Variants in SLAMF6 observed in about 807,000 individuals in gnomAD.
SLAMF6 encodes the protein NK-T-B-antigen.
In SLAMF6, 21 loss-of-function variants were observed where a neutral mutation model predicts 38.3. That is an observed-to-expected ratio of 0.55 (90% CI 0.39 to 0.79). The LOEUF is 0.79. Ranked by LOEUF, SLAMF6 falls within the 30% of genes least tolerant of loss-of-function variation. The probability of loss-of-function intolerance (pLI) is 0.00; values close to 1 mark genes in which losing one functional copy is unlikely to be tolerated. For missense variants in SLAMF6, 341 were observed against 385.3 expected (o/e 0.89, Z 0.96); for synonymous variants, 152 against 146.3 (o/e 1.04, Z -0.28).
intron 1 of SLAMF6, among the ~76,000 whole-genome samples, chr1:160,511,145 C>T (rs3953020): frequency 2.0e-5 from 3 of 152,048 alleles, no homozygotes; most frequent in Non-Finnish European, 4.4e-5. Flanking sequence ...TATGCCGATA[C>T]CACCAAAAGC....
intron 1 of SLAMF6, among the ~76,000 whole-genome samples, chr1:160,515,766 T>C (rs1382731206): frequency 2.0e-5 from 3 of 152,184 alleles, no homozygotes; most frequent in African/African-American, 4.8e-5. Context: ...ACAGATTATC[T>C]TAATAGACAC....
rs541273253 is a variant in SLAMF6, at chr1:160,496,400, A to G, written c.50-7T>C. On this transcript the variant is annotated splice_polypyrimidine_tract_variant and splice_region_variant and intron_variant, in intron 1 of 7. Coordinates refer to ENST00000368057, the MANE Select transcript of SLAMF6 (RefSeq NM_001184714.2). The stretch of plus-strand genomic sequence containing the variant: ...CTTTGTGAAACTACATTCCCTGTAA[A>G]CACAGAAGGAAAGGTTTTAAAAATG... The G allele has an allele frequency of 2.5e-6, 4 of 1,610,286 alleles. No individual in the cohort carries two copies. Among genetic ancestry groups the G allele is most frequent in the Non-Finnish European group, 2.5e-6 (3 of 1,177,306 alleles).
chr1:160,509,820 C>A (rs1317531858), intron 1 of SLAMF6, among the ~76,000 whole-genome samples: 2 of 152,036 alleles, frequency 1.3e-5, no homozygotes, highest in African/African-American at 4.8e-5. Flanking sequence ...AAAGTTGGTT[C>A]TTTGAAAAGA....
chr1:160,495,528 A>G (rs1360811338), intron 2 of SLAMF6, among the ~76,000 whole-genome samples: 1 of 152,216 alleles, frequency 6.6e-6, no homozygotes, highest in Non-Finnish European at 1.5e-5. Context: ...TTATCAGCCT[A>G]TCTTTGCAGA....
chr1:160,491,071 A>T (rs1653264081), intron 3 of SLAMF6, 54 bp downstream of exon 3: 32 of 1,595,818 alleles, frequency 2.0e-5, no homozygotes, highest in Non-Finnish European at 2.6e-5. Context: ...GGATGTGAGG[A>T]CGCGTTAAAC....
intron 1 of SLAMF6, among the ~76,000 whole-genome samples, chr1:160,502,023 A>G (rs11265416): frequency 0.065 from 9,846 of 152,214 alleles, 620 homozygotes; most frequent in African/African-American, 0.16. Flanking sequence ...AAGACCCTGC[A>G]TGAGACTTTG....
chr1:160,498,570 A>C (rs1218445995), intron 1 of SLAMF6, among the ~76,000 whole-genome samples: 1 of 152,166 alleles, frequency 6.6e-6, no homozygotes, highest in Non-Finnish European at 1.5e-5. Flanking sequence ...CACTATCATG[A>C]GAATAGCACA....
In SLAMF6 at chr1:160,490,660, G is replaced by A; in HGVS notation, c.672C>T (p.Thr224=). ...CEDVKIQYTD[T]KMILFMVSGI... ...CAGAAACCATAAACAGAATCATTTT[G>A]GTATCTGTATATTGAATTTTAACAT... The change falls in exon 4 of 8, where the codon ACC becomes ACT. Residue 224 remains threonine (T), a synonymous_variant. Transcript: ENST00000368057. The A allele has an allele frequency of 6.2e-7, 1 of 1,613,658 alleles. No homozygotes were observed. The highest frequency in any genetic ancestry group is 8.5e-7 in the Non-Finnish European group (1 of 1,179,754).
chr1:160,516,229 T>C (rs1654737033), intron 1 of SLAMF6, among the ~76,000 whole-genome samples: 1 of 152,044 alleles, frequency 6.6e-6, no homozygotes, highest in African/African-American at 2.4e-5. Flanking sequence ...GAGAACCAAA[T>C]CATGAATGAA....
At chr1:160,514,795 C>A (rs970458768) in intron 1 of SLAMF6, among the ~76,000 whole-genome samples, 1 of 152,128 alleles carries the variant, frequency 6.6e-6, no homozygotes, top group Non-Finnish European at 1.5e-5. Context: ...GCAAGAAGTT[C>A]TTTGAAACCA....
intron 1 of SLAMF6, among the ~76,000 whole-genome samples, chr1:160,506,698 C>T (rs952463136): frequency 3.3e-5 from 5 of 152,034 alleles, no homozygotes; most frequent in Admixed American, 6.6e-5. Flanking sequence ...ATGAGTAAAA[C>T]AATAATTATA....
chr1:160,496,720 T>G (rs1302840358), intron 1 of SLAMF6, among the ~76,000 whole-genome samples: 1 of 152,064 alleles, frequency 6.6e-6, no homozygotes, highest in Non-Finnish European at 1.5e-5. Context: ...CCTTGGACAT[T>G]AGGTTGAGGG....
chr1:160,492,278 T>C (rs769561171), intron 2 of SLAMF6, among the ~76,000 whole-genome samples: 2 of 152,102 alleles, frequency 1.3e-5, no homozygotes, highest in Admixed American at 6.6e-5. Flanking sequence ...AGAGACCGAG[T>C]AGTACTTTGA....
chr1:160,518,481 T>C (rs992644685), intron 1 of SLAMF6, among the ~76,000 whole-genome samples: 38 of 152,158 alleles, frequency 2.5e-4, no homozygotes, highest in African/African-American at 8.4e-4. Flanking sequence ...TGTATCTTCA[T>C]TGCAGCACTA....
chr1:160,490,044 AT>A, intron 5 of SLAMF6, 153 bp downstream of exon 5: 1 of 861,938 alleles, frequency 1.2e-6, no homozygotes, highest in Non-Finnish European at 1.9e-6. Flanking sequence ...AGGACCCATG[AT>A]TACAGATCAT....
Position 160,496,243 on chromosome 1 carries a change from G to A in SLAMF6, c.200C>T (p.Pro67Leu). 2 of 1,613,838 alleles carry A rather than the reference G, an allele frequency of 1.2e-6. No homozygotes were observed. The highest frequency in any genetic ancestry group is 1.1e-5 in the South Asian group (1 of 91,072). The change falls in exon 2 of 8, where the codon CCC becomes CTC. Residue 67 changes from proline to leucine, a missense_variant. Transcript: ENST00000368057. The part of the protein sequence containing the change: ...FNETSLAFIV[P>L]HETKSPEIHV... ...GATTTCTGGACTTTTGGTTTCATGG[G>A]GTACTATGAAGGCAAGAGATGTTTC... is the stretch of plus-strand genomic sequence containing the variant.
At chr1:160,501,233 A>C (rs1019273340) in intron 1 of SLAMF6, among the ~76,000 whole-genome samples, 5 of 152,298 alleles carry the variant, frequency 3.3e-5, no homozygotes, top group Admixed American at 1.3e-4. Flanking sequence ...GAAACTGGGA[A>C]TATAAGATAC....
chr1:160,489,160 T>C lies in SLAMF6; in HGVS notation c.807A>G (p.Ala269=), dbSNP rs2102014249. 2 of 1,613,880 alleles carry C rather than the reference T, an allele frequency of 1.2e-6. No homozygotes were observed. Among genetic ancestry groups the C allele is most frequent in the Non-Finnish European group, 1.7e-6 (2 of 1,179,826 alleles). ...TQRTQGPAES[A]RNLEYVSVSP... ...ACACTGAAACATACTCTAGGTTCCTTGCGGACTCTGCTGTTAACATAGGAA... is the reference window on the plus strand; with the variant it reads ...ACACTGAAACATACTCTAGGTTCCTCGCGGACTCTGCTGTTAACATAGGAA... Residue 269 remains alanine, a synonymous_variant, in exon 6 of 8, where the codon GCA becomes GCG. Transcript: ENST00000368057.
rs188400620 is a variant in SLAMF6, at chr1:160,490,508, C to T, written c.757+67G>A. Reference sequence around the variant, plus strand: ...TCTTCCACAAGAGATCCTTGGGAATCAGAGGCCCCAAACTCTCAATCACTG... The same window carrying T: ...TCTTCCACAAGAGATCCTTGGGAATTAGAGGCCCCAAACTCTCAATCACTG... On this transcript the variant is annotated intron_variant, in intron 4 of 7. Coordinates refer to ENST00000368057, the MANE Select transcript of SLAMF6 (RefSeq NM_001184714.2). 299 of 1,573,830 alleles carry T rather than the reference C, an allele frequency of 1.9e-4. 1 individual carries two copies. The highest frequency in any genetic ancestry group is 1.8e-3 in the African/African-American group (128 of 72,804).
Sources: allele counts gnomAD v4.1 joint callset (sites outside exome capture counted in the v4.1 genomes callset), GRCh38; gene constraint gnomAD v4.1.1; transcripts MANE v1.5; gene names NCBI Gene and HGNC (gene_info 2026-07-23, HGNC 2026-07-21).